C1orf105: variants seen among roughly 807,000 people sequenced by gnomAD.
The protein encoded by C1orf105 is chromosome 1 open reading frame 105.
C1orf105 carries 17 observed loss-of-function variants against 20.8 expected under a neutral mutation model. The ratio of observed to expected loss-of-function variants is 0.82; its 90% CI spans 0.56 to 1.23. The LOEUF (loss-of-function observed/expected upper bound fraction) is 1.23. Among genes scored for constraint, C1orf105 ranks in the 50% most tolerant of loss-of-function variants. The pLI is 0.00. For missense variants in C1orf105, 219 were observed against 213.5 expected (o/e 1.03, Z -0.16); for synonymous variants, 72 against 72.1 (o/e 1.00, Z 0.01).
At chr1:172,440,761 T>C (rs1269619589) in intron 1 of C1orf105, among the ~76,000 whole-genome samples, 1 of 152,246 alleles carries the variant, frequency 6.6e-6, no homozygotes, top group Non-Finnish European at 1.5e-5. Context: ...AATGTGTTTT[T>C]AGACGGATTA....
Position 172,468,708 on chromosome 1 carries a change from T to G in C1orf105, c.*114T>G, listed in dbSNP as rs1161451574. 97 of 1,239,202 alleles carry G rather than the reference T, an allele frequency of 7.8e-5. 2 individuals are homozygous for G. The South Asian group carries it at 1.2e-3, about 15-fold the overall frequency. The allele number at this position is 1,239,202 out of a possible 1,614,324, so 76.8% of individuals were successfully genotyped here. ...TTTCTCTCTTCTCCCAAAAGATGATTTAATTTTGCCTTCCTAAGATTGCTG... is the reference window on the plus strand; with the variant it reads ...TTTCTCTCTTCTCCCAAAAGATGATGTAATTTTGCCTTCCTAAGATTGCTG... On this transcript the variant is annotated 3_prime_UTR_variant, in exon 7 of 7. Coordinates refer to ENST00000367727, the MANE Select transcript of C1orf105 (RefSeq NM_139240.4).
At chr1:172,422,049 G>A (rs954315579) in intron 1 of C1orf105, among the ~76,000 whole-genome samples, 3 of 152,156 alleles carry the variant, frequency 2.0e-5, no homozygotes, top group African/African-American at 7.2e-5. Flanking sequence ...TTGAAAGCCT[G>A]TCTGGGCCAC....
intron 6 of C1orf105, among the ~76,000 whole-genome samples, chr1:172,467,941 C>T (rs74955097): frequency 6.6e-6 from 1 of 152,232 alleles, no homozygotes; most frequent in Middle Eastern, 3.4e-3. Context: ...TCACAAAATA[C>T]AGATTTCTTT....
chr1:172,466,777 A>G (rs1264929776), intron 6 of C1orf105, among the ~76,000 whole-genome samples: 1 of 152,206 alleles, frequency 6.6e-6, no homozygotes, highest in Non-Finnish European at 1.5e-5. Flanking sequence ...ACAGCATGTT[A>G]TGTTCTTGGA....
chr1:172,442,047 A>T, intron 1 of C1orf105: 1 of 1,614,248 alleles, frequency 6.2e-7, no homozygotes, highest in Non-Finnish European at 8.5e-7. Context: ...ACCGGGGAAG[A>T]CGTGATGCCA....
At chr1:172,467,794 G>A (rs958642919) in intron 6 of C1orf105, among the ~76,000 whole-genome samples, 9 of 152,190 alleles carry the variant, frequency 5.9e-5, no homozygotes, top group Non-Finnish European at 1.3e-4. Flanking sequence ...CCAATGGGAA[G>A]ATGTTATTTC....
intron 1 of C1orf105, among the ~76,000 whole-genome samples, chr1:172,427,958 CA>C (rs2071766654): frequency 6.6e-6 from 1 of 152,194 alleles, no homozygotes; most frequent in Non-Finnish European, 1.5e-5. Flanking sequence ...TTCAACATTT[CA>C]GGCTGAATGT....
intron 1 of C1orf105, among the ~76,000 whole-genome samples, chr1:172,433,522 G>C (rs1415828058): frequency 6.6e-6 from 1 of 152,158 alleles, no homozygotes; most frequent in Non-Finnish European, 1.5e-5. Flanking sequence ...AAGTGAAGGA[G>C]AAATAAAATC....
chr1:172,423,548 C>T (rs1240728635), intron 1 of C1orf105, among the ~76,000 whole-genome samples: 1 of 151,786 alleles, frequency 6.6e-6, no homozygotes. Context: ...CAAGCCCAGA[C>T]CAGACACTAA....
intron 1 of C1orf105, among the ~76,000 whole-genome samples, chr1:172,426,075 C>G (rs2071714444): frequency 6.6e-6 from 1 of 152,116 alleles, no homozygotes; most frequent in South Asian, 2.1e-4. Flanking sequence ...TGTAACCCTT[C>G]CACTGTCTCC....
chr1:172,433,923 T>C (rs866132028), intron 1 of C1orf105, among the ~76,000 whole-genome samples: 11 of 151,458 alleles, frequency 7.3e-5, no homozygotes, highest in African/African-American at 2.7e-4. Flanking sequence ...ACCAAGCAAA[T>C]GGAAAGCAAA....
At chr1:172,446,301 T>G (rs1647993697) in intron 2 of C1orf105, among the ~76,000 whole-genome samples, 1 of 152,212 alleles carries the variant, frequency 6.6e-6, no homozygotes, top group African/African-American at 2.4e-5. Flanking sequence ...TAACACTGCA[T>G]GGATCAGCAC....
chr1:172,425,542 G>A (rs1488820269), intron 1 of C1orf105, among the ~76,000 whole-genome samples: 1 of 151,968 alleles, frequency 6.6e-6, no homozygotes, highest in African/African-American at 2.4e-5. Context: ...CTGCAGCTGA[G>A]CCCTCTTGGT....
chr1:172,431,210 A>G, intron 1 of C1orf105: 1 of 431,838 alleles, frequency 2.3e-6, no homozygotes, highest in Non-Finnish European at 4.1e-6. Context: ...AAAAGCCGAG[A>G]CAGGCTGAAA....
intron 2 of C1orf105, among the ~76,000 whole-genome samples, chr1:172,447,663 G>C (rs1378414004): frequency 2.6e-5 from 4 of 152,230 alleles, no homozygotes; most frequent in African/African-American, 9.6e-5. Flanking sequence ...TGTCTCATGA[G>C]CATCAAACTC....
At chr1:172,452,884 T>G (rs955122465) in intron 3 of C1orf105, 19 of 1,474,774 alleles carry the variant, frequency 1.3e-5, no homozygotes, top group Non-Finnish European at 1.5e-5. Context: ...AGCATTGTAC[T>G]GTGAATGTGG....
intron 1 of C1orf105, 61 bp from the exon 2 acceptor site, chr1:172,445,012 C>A: frequency 7.3e-7 from 1 of 1,377,956 alleles, no homozygotes; most frequent in Non-Finnish European, 1.0e-6. Context: ...CTTTGGCCAT[C>A]GTAATGATAG....
intron 1 of C1orf105, among the ~76,000 whole-genome samples, chr1:172,428,635 T>C (rs2071783697): frequency 6.6e-6 from 1 of 152,224 alleles, no homozygotes; most frequent in Non-Finnish European, 1.5e-5. Flanking sequence ...AAATGTTACC[T>C]TTCCCATGAG....
At chr1:172,465,250 C>A (rs537933623) in intron 5 of C1orf105, 49 bp from the exon 6 acceptor site, 23 of 1,156,992 alleles carry the variant, frequency 2.0e-5, no homozygotes, top group Non-Finnish European at 2.8e-5. Context: ...TTTCTTTCTA[C>A]CAAGCCCTAG....
Sources: gnomAD v4.1 joint callset for allele counts (sites outside exome capture counted in the v4.1 genomes callset) on GRCh38, gnomAD v4.1.1 for gene constraint, MANE v1.5 for transcripts, NCBI Gene and HGNC (gene_info 2026-07-23, HGNC 2026-07-21) for gene names.